The following FHIT variants were observed in gnomAD, a reference collection of about 807,000 sequenced individuals.
FHIT encodes bis(5'-adenosyl)-triphosphatase.
Under a neutral mutation model 17.9 loss-of-function variants are expected in FHIT, and 19 were observed. That is an observed-to-expected ratio of 1.06 (90% CI 0.74 to 1.56). FHIT has a LOEUF of 1.56. Among genes scored for constraint, FHIT ranks in the 40% most tolerant of loss-of-function variants. The pLI, the probability that FHIT is intolerant of heterozygous loss-of-function variation, is 0.00. For missense variants in FHIT, 248 were observed against 189.2 expected, an observed-to-expected ratio of 1.31 and a Z score of -1.82; for synonymous variants, 81 against 69.7, an observed-to-expected ratio of 1.16 and a Z score of -0.81.
At chr3:59,980,685 C>A (rs1241673446) in intron 7 of FHIT, among the ~76,000 whole-genome samples, 1 of 152,116 alleles carries the variant, frequency 6.6e-6, no homozygotes, top group Non-Finnish European at 1.5e-5. Flanking sequence ...CCCACCACTG[C>A]CTCATCCCTT....
intron 4 of FHIT, among the ~76,000 whole-genome samples, chr3:60,753,816 G>T (rs188339623): frequency 1.7e-4 from 26 of 152,256 alleles, no homozygotes; most frequent in African/African-American, 6.0e-4. Flanking sequence ...CATGTGATTT[G>T]TTAAGACGAT....
At chr3:60,143,046 A>G (rs937295109) in intron 5 of FHIT, among the ~76,000 whole-genome samples, 2 of 152,184 alleles carry the variant, frequency 1.3e-5, no homozygotes, top group Non-Finnish European at 2.9e-5. Context: ...ACAAGAAAGA[A>G]AACTGGGTCT....
intron 5 of FHIT, among the ~76,000 whole-genome samples, chr3:60,314,461 A>G (rs1559811940): frequency 6.6e-6 from 1 of 152,200 alleles, no homozygotes; most frequent in Non-Finnish European, 1.5e-5. Context: ...AAAATAAGAA[A>G]AAATCATAAT....
chr3:60,933,503 A>C lies in FHIT; in HGVS notation c.-111+108544T>G, dbSNP rs1708058557. ...TGTCAACTCAGTCTTGCTACATTTT[A>C]AAAGCTCAAGAGCCACATGAGGATA... On this transcript the variant is annotated intron_variant, in intron 3 of 9. Coordinates refer to ENST00000492590, the MANE Select transcript of FHIT (RefSeq NM_002012.4). Among the ~76,000 whole-genome samples the C allele has an allele frequency of 2.0e-5, 3 of 152,218 alleles. No individual in the cohort carries two copies. The South Asian group carries it at 6.2e-4, about 32-fold the overall frequency.
At chr3:60,420,363 T>A (rs931454230) in intron 5 of FHIT, among the ~76,000 whole-genome samples, 8 of 152,268 alleles carry the variant, frequency 5.3e-5, no homozygotes, top group Admixed American at 3.3e-4. Context: ...TTTGTTTTCA[T>A]TTTTTTGCCA....
intron 5 of FHIT, among the ~76,000 whole-genome samples, chr3:60,378,900 A>G (rs1320113712): frequency 6.6e-6 from 1 of 152,236 alleles, no homozygotes; most frequent in African/African-American, 2.4e-5. Context: ...GTGGATTCAA[A>G]AAAAATAAAG....
Position 60,440,800 on chromosome 3 carries a change from T to A in FHIT, c.103+96060A>T, listed in dbSNP as rs75238986. ...TATATTTTTAATAAAGTAGACTCTT[T>A]CACACACTCTCCTGGAACCTCTCTC... On this transcript the variant is annotated intron_variant, in intron 5 of 9. Coordinates refer to ENST00000492590, the MANE Select transcript of FHIT (RefSeq NM_002012.4). Among the ~76,000 whole-genome samples, 1,366 of 152,206 alleles carry A rather than the reference T, an allele frequency of 9.0e-3. 14 individuals are homozygous for A. Among genetic ancestry groups the A allele is most frequent in the East Asian group, 0.028 (147 of 5,168 alleles).
chr3:60,998,387 G>A (rs965669898), intron 3 of FHIT, among the ~76,000 whole-genome samples: 1 of 152,098 alleles, frequency 6.6e-6, no homozygotes, highest in African/African-American at 2.4e-5. Flanking sequence ...TAAACTAGTA[G>A]GGTTAAAGCT....
intron 4 of FHIT, among the ~76,000 whole-genome samples, chr3:60,594,609 T>TCC (rs1211794577): frequency 6.6e-6 from 1 of 151,940 alleles, no homozygotes; most frequent in African/African-American, 2.4e-5. Context: ...ATCCTCCTCC[T>TCC]CCCTTCCCTC....
intron 5 of FHIT, among the ~76,000 whole-genome samples, chr3:60,114,489 C>T (rs760318): frequency 0.89 from 54,967 of 61,448 alleles, 24,645 homozygotes; most frequent in African/African-American, 0.93. Context: ...AAGAGAAATC[C>T]TTTTTTTTTT....
At chr3:61,036,473 T>C (rs562288076) in intron 3 of FHIT, among the ~76,000 whole-genome samples, 1 of 152,334 alleles carries the variant, frequency 6.6e-6, no homozygotes, top group Non-Finnish European at 1.5e-5. Flanking sequence ...CAAATGTTCC[T>C]CTTATCATTG....
chr3:59,869,380 C>T (rs1401909529), intron 8 of FHIT, among the ~76,000 whole-genome samples: 1 of 151,818 alleles, frequency 6.6e-6, no homozygotes, highest in Non-Finnish European at 1.5e-5. Flanking sequence ...CCAATTTAGA[C>T]TTCACATTAT....
intron 5 of FHIT, among the ~76,000 whole-genome samples, chr3:60,529,851 A>T (rs1214729219): frequency 6.6e-6 from 1 of 152,202 alleles, no homozygotes; most frequent in South Asian, 2.1e-4. Context: ...CATTCACTAG[A>T]ATTGGAGAAA....
At chr3:60,757,623 A>G (rs1553718647) in intron 4 of FHIT, among the ~76,000 whole-genome samples, 1 of 152,162 alleles carries the variant, frequency 6.6e-6, no homozygotes, top group South Asian at 2.1e-4. Flanking sequence ...CAGCCCCTTG[A>G]GTTGGTGCAG....
At chr3:60,089,843 T>G (rs1005789736) in intron 5 of FHIT, among the ~76,000 whole-genome samples, 1 of 152,152 alleles carries the variant, frequency 6.6e-6, no homozygotes, top group Admixed American at 6.5e-5. Context: ...CGTAATATTG[T>G]TGAATTGGGG....
chr3:61,178,390 TA>T (rs1043778117), intron 2 of FHIT, among the ~76,000 whole-genome samples: 5 of 151,614 alleles, frequency 3.3e-5, no homozygotes, highest in Non-Finnish European at 7.4e-5. Context: ...AGAAGGTGGT[TA>T]GTTTGGATTT....
chr3:60,573,854 G>A (rs1440042747), intron 4 of FHIT, among the ~76,000 whole-genome samples: 1 of 151,880 alleles, frequency 6.6e-6, no homozygotes, highest in Admixed American at 6.6e-5. Flanking sequence ...CTGTCACCCA[G>A]GCTGGGGCGC....
chr3:59,901,773 T>C (rs78437194), intron 8 of FHIT, among the ~76,000 whole-genome samples: 1 of 152,150 alleles, frequency 6.6e-6, no homozygotes, highest in African/African-American at 2.4e-5. Flanking sequence ...GAAATTCTAT[T>C]CCTAGTTATA....
chr3:60,446,053 C>T lies in FHIT; in HGVS notation c.103+90807G>A, dbSNP rs191868497. ...CAGCAGTTGGAAACTGAAATGCCTACAGTACAAGTAGTAACAAAATTAATG... is the reference window on the plus strand; with the variant it reads ...CAGCAGTTGGAAACTGAAATGCCTATAGTACAAGTAGTAACAAAATTAATG... On this transcript the variant is annotated intron_variant, in intron 5 of 9. Coordinates refer to ENST00000492590, the MANE Select transcript of FHIT (RefSeq NM_002012.4). Among the ~76,000 whole-genome samples, 413 of 152,190 alleles carry T rather than the reference C, an allele frequency of 2.7e-3. 10 individuals are homozygous for T. The highest frequency in any genetic ancestry group is 0.022 in the Admixed American group (331 of 15,260).
Sources: gnomAD v4.1 joint callset for allele counts (sites outside exome capture counted in the v4.1 genomes callset) on GRCh38, gnomAD v4.1.1 for gene constraint, MANE v1.5 for transcripts, NCBI Gene and HGNC (gene_info 2026-07-23, HGNC 2026-07-21) for gene names.